HACD2: variants seen among roughly 807,000 people sequenced by gnomAD.
HACD2 encodes very-long-chain (3R)-3-hydroxyacyl-CoA dehydratase 2.
A neutral mutation model predicts 31.0 loss-of-function variants in HACD2; 15 were observed. The ratio of observed to expected loss-of-function variants is 0.48; its 90% confidence interval spans 0.32 to 0.75. HACD2 has a LOEUF of 0.75. Ranked by LOEUF, HACD2 falls within the 30% of genes least tolerant of loss-of-function variation. The probability of loss-of-function intolerance (pLI) is 0.03; values close to 1 mark genes in which losing one functional copy is unlikely to be tolerated. For missense variants in HACD2, 283 were observed against 313.0 expected (o/e 0.90, Z 0.72); for synonymous variants, 115 against 122.2 (o/e 0.94, Z 0.39).
intron 4 of HACD2, among the ~76,000 whole-genome samples, chr3:123,511,101 C>A (rs1009374569): frequency 6.6e-6 from 1 of 151,988 alleles, no homozygotes; most frequent in Non-Finnish European, 1.5e-5. Context: ...GGAAAATATT[C>A]AAATCCTTTG....
At chr3:123,577,217 T>A (rs1285743846) in intron 2 of HACD2, among the ~76,000 whole-genome samples, 1 of 152,224 alleles carries the variant, frequency 6.6e-6, no homozygotes, top group Non-Finnish European at 1.5e-5. Context: ...AATGTACATA[T>A]GTTGAAGATA....
At position 123,492,804 on chromosome 3, in the gene HACD2, T is replaced by C. The variant is rs571283710; in HGVS notation, c.*2084A>G. The stretch of plus-strand genomic sequence containing the variant: ...AAAAAATCTAACAGAACAAAGTAAA[T>C]GACAAATATAACCCAAGTTGATTCT... On this transcript the variant is annotated 3_prime_UTR_variant, in exon 7 of 7. Transcript: ENST00000383657. 2.0e-5 allele frequency: 3 copies of C among 152,262 alleles called. No individual in the cohort carries two copies. In the South Asian group the frequency reaches 6.2e-4, roughly 31 times the overall value. The allele number at this position is 152,262 out of a possible 1,614,324, so 9.4% of individuals were successfully genotyped here.
intron 3 of HACD2, among the ~76,000 whole-genome samples, chr3:123,557,608 C>T (rs532547385): frequency 4.6e-5 from 7 of 152,274 alleles, no homozygotes; most frequent in Admixed American, 4.6e-4. Flanking sequence ...CACTGCACTC[C>T]AGCCTGGATG....
At chr3:123,521,830 T>C (rs1195181494) in intron 4 of HACD2, among the ~76,000 whole-genome samples, 1 of 152,176 alleles carries the variant, frequency 6.6e-6, no homozygotes, top group Non-Finnish European at 1.5e-5. Flanking sequence ...GGTGGTAACA[T>C]TGGATTCTGT....
chr3:123,525,124 G>A (rs2056264548), intron 4 of HACD2, among the ~76,000 whole-genome samples: 2 of 152,206 alleles, frequency 1.3e-5, no homozygotes, highest in South Asian at 2.1e-4. Context: ...GAGAATGTAA[G>A]TTAAGTGTCA....
In HACD2 at chr3:123,500,525, G is replaced by A; in HGVS notation, c.672C>T (p.Ser224=). ...TAACTGTTTACTTACTTGGAATGTA[G>A]GAGATCATTATTAGAATCAGGAATG... is the stretch of plus-strand genomic sequence containing the variant. ...YYAFLILIMI[S]YIPIFPQLYF... The change falls in exon 6 of 7, where the codon TCC becomes TCT. Residue 224 remains serine (S), a synonymous_variant. Transcript: ENST00000383657. 1 of 1,601,032 alleles carries A rather than the reference G, an allele frequency of 6.2e-7. No individual in the cohort carries two copies. The highest frequency in any genetic ancestry group is 1.1e-5 in the South Asian group (1 of 89,726).
chr3:123,559,158 A>G (rs2056701261), intron 3 of HACD2, among the ~76,000 whole-genome samples: 1 of 152,176 alleles, frequency 6.6e-6, no homozygotes. Context: ...AGTTTCAGCT[A>G]TTGATTAATT....
At chr3:123,514,697 C>T (rs1442568692) in intron 4 of HACD2, among the ~76,000 whole-genome samples, 2 of 152,088 alleles carry the variant, frequency 1.3e-5, no homozygotes, top group African/African-American at 4.8e-5. Flanking sequence ...CGTAAACAAG[C>T]CGAAGACAAG....
At chr3:123,543,625 A>T in intron 3 of HACD2, 1 of 387,402 alleles carries the variant, frequency 2.6e-6, no homozygotes, top group African/African-American at 2.2e-5. Flanking sequence ...GTCACTATAA[A>T]GGATCACATA....
At chr3:123,509,021 T>A (rs2056015557) in intron 4 of HACD2, among the ~76,000 whole-genome samples, 1 of 152,168 alleles carries the variant, frequency 6.6e-6, no homozygotes, top group Non-Finnish European at 1.5e-5. Context: ...AAGGTCCCAT[T>A]GCCAAATACC....
chr3:123,547,852 TA>T (rs1456119291), intron 3 of HACD2, among the ~76,000 whole-genome samples: 3 of 152,170 alleles, frequency 2.0e-5, no homozygotes, highest in African/African-American at 7.2e-5. Context: ...TTACTTATAT[TA>T]ATTAATTTAC....
chr3:123,558,985 G>A (rs1469514849), intron 3 of HACD2, among the ~76,000 whole-genome samples: 2 of 152,106 alleles, frequency 1.3e-5, no homozygotes, highest in Non-Finnish European at 2.9e-5. Context: ...GGATTTAAAG[G>A]TATCTTATGC....
intron 2 of HACD2, among the ~76,000 whole-genome samples, chr3:123,568,384 A>G (rs976618766): frequency 1.3e-5 from 2 of 152,168 alleles, no homozygotes; most frequent in Non-Finnish European, 2.9e-5. Flanking sequence ...GCTCAAACAC[A>G]GCCTCAGTGG....
At chr3:123,575,720 C>G (rs903962479) in intron 2 of HACD2, among the ~76,000 whole-genome samples, 1 of 152,210 alleles carries the variant, frequency 6.6e-6, no homozygotes, top group Non-Finnish European at 1.5e-5. Context: ...TATCCAGGAA[C>G]CTAATATTTC....
chr3:123,543,622 T>G (rs1048375745), intron 3 of HACD2: 11 of 384,256 alleles, frequency 2.9e-5, no homozygotes, highest in African/African-American at 6.5e-5. Context: ...AGTGTCACTA[T>G]AAAGGATCAC....
chr3:123,547,351 A>G (rs1266019552), intron 3 of HACD2, among the ~76,000 whole-genome samples: 2 of 152,202 alleles, frequency 1.3e-5, no homozygotes, highest in African/African-American at 4.8e-5. Flanking sequence ...GGACATATGT[A>G]TTCCCCTTGA....
intron 4 of HACD2, among the ~76,000 whole-genome samples, chr3:123,507,248 T>C (rs2055988475): frequency 6.6e-6 from 1 of 152,172 alleles, no homozygotes; most frequent in African/African-American, 2.4e-5. Flanking sequence ...AGCAAGACCC[T>C]GTCTCTTAAA....
At chr3:123,510,245 A>G (rs1295561832) in intron 4 of HACD2, among the ~76,000 whole-genome samples, 1 of 152,058 alleles carries the variant, frequency 6.6e-6, no homozygotes, top group African/African-American at 2.4e-5. Context: ...GGAATAATAC[A>G]GTATATGTCT....
intron 2 of HACD2, among the ~76,000 whole-genome samples, chr3:123,568,835 T>C (rs1221318414): frequency 1.3e-5 from 2 of 152,210 alleles, no homozygotes; most frequent in African/African-American, 2.4e-5. Flanking sequence ...ACCTGGCAGA[T>C]AGGCAGGACA....
Sources: gnomAD v4.1 joint callset for allele counts (sites outside exome capture counted in the v4.1 genomes callset) on GRCh38, gnomAD v4.1.1 for gene constraint, MANE v1.5 for transcripts, NCBI Gene and HGNC (gene_info 2026-07-23, HGNC 2026-07-21) for gene names.